CERKL: variants seen among roughly 807,000 people sequenced by gnomAD.
CERKL encodes the protein CERK like autophagy regulator, also known as ceramide kinase-like protein.
A neutral mutation model predicts 63.4 loss-of-function variants in CERKL; 61 were observed. The ratio of observed to expected loss-of-function variants is 0.96; its 90% CI spans 0.78 to 1.19. The LOEUF (loss-of-function observed/expected upper bound fraction) is 1.19, where lower values mean the gene tolerates loss of function less well. Ranked by LOEUF, CERKL falls within the 50% of genes most tolerant of loss-of-function variation. The pLI, the probability that CERKL is intolerant of heterozygous loss-of-function variation, is 0.00. For missense variants in CERKL, 675 were observed against 655.5 expected (o/e 1.03, Z -0.33); for synonymous variants, 250 against 230.5 (o/e 1.08, Z -0.77).
intron 1 of CERKL, among the ~76,000 whole-genome samples, chr2:181,608,997 C>T (rs1007622574): frequency 6.6e-6 from 1 of 152,056 alleles, no homozygotes; most frequent in Non-Finnish European, 1.5e-5. Context: ...TGATTCTAGA[C>T]TCGTGTGGGA....
At chr2:181,545,810 T>C (rs779476988) in intron 10 of CERKL, among the ~76,000 whole-genome samples, 5 of 152,188 alleles carry the variant, frequency 3.3e-5, no homozygotes, top group Admixed American at 6.5e-5. Flanking sequence ...TTTATAAACA[T>C]TAAAAGCACT....
At chr2:181,597,338 T>C (rs940262249) in intron 2 of CERKL, among the ~76,000 whole-genome samples, 91 of 152,350 alleles carry the variant, frequency 6.0e-4, no homozygotes, top group African/African-American at 2.1e-3. Flanking sequence ...CACTAGTCTT[T>C]CAGAATTTAA....
chr2:181,633,150 C>T (rs1362894284), intron 1 of CERKL, among the ~76,000 whole-genome samples: 1 of 152,174 alleles, frequency 6.6e-6, no homozygotes, highest in Non-Finnish European at 1.5e-5. Flanking sequence ...ACACAGATAT[C>T]ACAGAGGCCC....
chr2:181,601,353 A>G (rs561310953), intron 2 of CERKL, among the ~76,000 whole-genome samples: 2 of 152,294 alleles, frequency 1.3e-5, no homozygotes, highest in Non-Finnish European at 2.9e-5. Flanking sequence ...TGAGCTCAGG[A>G]GTTCAAGACC....
intron 2 of CERKL, among the ~76,000 whole-genome samples, chr2:181,602,886 A>T (rs1328608940): frequency 6.6e-6 from 1 of 152,258 alleles, no homozygotes; most frequent in African/African-American, 2.4e-5. Context: ...CAAGATTCAT[A>T]AATCTAAGAC....
At chr2:181,587,013 G>A (rs1684796881) in intron 2 of CERKL, among the ~76,000 whole-genome samples, 2 of 152,298 alleles carry the variant, frequency 1.3e-5, no homozygotes, top group South Asian at 4.1e-4. Context: ...AGTCTCAGGA[G>A]CTATTAATAT....
chr2:181,554,615 T>C (rs1276674623), intron 5 of CERKL, among the ~76,000 whole-genome samples: 1 of 152,128 alleles, frequency 6.6e-6, no homozygotes, highest in African/African-American at 2.4e-5. Context: ...CCAGTTCCCA[T>C]AGCAACAAAC....
At chr2:181,638,104 C>A (rs1000949976) in intron 1 of CERKL, among the ~76,000 whole-genome samples, 1 of 152,156 alleles carries the variant, frequency 6.6e-6, no homozygotes, top group African/African-American at 2.4e-5. Context: ...TAGGCCTGCA[C>A]TTGAATTGGA....
intron 1 of CERKL, among the ~76,000 whole-genome samples, chr2:181,609,619 T>A (rs1282825944): frequency 6.8e-6 from 1 of 147,278 alleles, no homozygotes; most frequent in Non-Finnish European, 1.5e-5. Context: ...GGCAGGAGAA[T>A]CCCTTGAACC....
chr2:181,651,973 A>G (rs1687958085), intron 1 of CERKL, among the ~76,000 whole-genome samples: 1 of 152,198 alleles, frequency 6.6e-6, no homozygotes, highest in Non-Finnish European at 1.5e-5. Context: ...TACACTGAAA[A>G]GTATAAAACT....
At chr2:181,559,409 C>G (rs1688342843) in intron 4 of CERKL, among the ~76,000 whole-genome samples, 1 of 152,078 alleles carries the variant, frequency 6.6e-6, no homozygotes, top group South Asian at 2.1e-4. Flanking sequence ...TCAAAAGAAG[C>G]AAAATATTCT....
intron 1 of CERKL, among the ~76,000 whole-genome samples, chr2:181,632,418 G>A (rs941804858): frequency 6.6e-6 from 1 of 152,170 alleles, no homozygotes; most frequent in African/African-American, 2.4e-5. Flanking sequence ...TCTAGTGAAC[G>A]AGCATGCAAG....
Position 181,605,034 on chromosome 2 carries a change from G to C in CERKL, c.239-955C>G, listed in dbSNP as rs138246070. 2.3e-3 allele frequency among the ~76,000 whole-genome samples: 352 copies of C among 152,210 alleles called. 1 individual carries two copies. The highest frequency in any genetic ancestry group is 4.2e-3 in the Non-Finnish European group (283 of 68,018). ...GCCAATGTGGAATAATAAGAAACTA[G>C]TTTTACCTTTCACCTAAAACTACAA... On this transcript the variant is annotated intron_variant, in intron 1 of 12. Coordinates refer to ENST00000410087, the MANE Select transcript of CERKL (RefSeq NM_201548.5).
In CERKL at chr2:181,549,665, A is replaced by C. The variant is rs140777292; in HGVS notation, c.864T>G (p.His288Gln). 15 of 1,612,334 alleles carry C rather than the reference A, an allele frequency of 9.3e-6. No individual in the cohort carries two copies. Among genetic ancestry groups the C allele is most frequent in the Non-Finnish European group, 1.7e-6 (2 of 1,178,740 alleles). Reference protein sequence around the residue: ...VLAHSLHGVPHVITATLHIIM... With the variant: ...VLAHSLHGVPQVITATLHIIM... ...TAATGTGCAATGTTGCAGTTATCACATGAGGAACTCCATGAAGAGAATGTG... is the reference window on the plus strand; with the variant it reads ...TAATGTGCAATGTTGCAGTTATCACCTGAGGAACTCCATGAAGAGAATGTG... The change falls in exon 6 of 13, where the codon CAT (histidine) becomes CAG (glutamine). Residue 288 changes from histidine to glutamine, a missense_variant. By Grantham distance (24) the His-to-Gln change is conservative. Coordinates refer to ENST00000410087, the MANE Select transcript of CERKL (RefSeq NM_201548.5).
At chr2:181,583,382 C>T (rs187731951) in intron 2 of CERKL, among the ~76,000 whole-genome samples, 1 of 152,124 alleles carries the variant, frequency 6.6e-6, no homozygotes, top group African/African-American at 2.4e-5. Context: ...CTTAGCTTAG[C>T]CTCATGAATA....
intron 1 of CERKL, among the ~76,000 whole-genome samples, chr2:181,649,164 G>A (rs970977377): frequency 9.9e-5 from 15 of 152,142 alleles, no homozygotes; most frequent in Admixed American, 9.8e-4. Context: ...GCCTAAAAGA[G>A]GCTTACCTCA....
chr2:181,569,034 T>C (rs1574458229), intron 3 of CERKL, among the ~76,000 whole-genome samples: 1 of 152,144 alleles, frequency 6.6e-6, no homozygotes, highest in Non-Finnish European at 1.5e-5. Context: ...CCTTTTATCT[T>C]GTCTCCCTCA....
At chr2:181,627,772 C>CA (rs1686777361) in intron 1 of CERKL, among the ~76,000 whole-genome samples, 1 of 152,154 alleles carries the variant, frequency 6.6e-6, no homozygotes, top group Non-Finnish European at 1.5e-5. Flanking sequence ...CTGTAAGGAA[C>CA]ACTGCATACA....
chr2:181,625,969 T>C (rs1308912986), intron 1 of CERKL, among the ~76,000 whole-genome samples: 1 of 152,210 alleles, frequency 6.6e-6, no homozygotes, highest in African/African-American at 2.4e-5. Context: ...TTTAGATTAA[T>C]TGTGTCAGTG....
Sources: allele counts gnomAD v4.1 joint callset (sites outside exome capture counted in the v4.1 genomes callset), GRCh38; gene constraint gnomAD v4.1.1; transcripts MANE v1.5; gene names NCBI Gene and HGNC (gene_info 2026-07-23, HGNC 2026-07-21).